OR4N5: variants seen among roughly 807,000 people sequenced by gnomAD.
OR4N5 encodes the protein olfactory receptor 4N5.
For synonymous variants in OR4N5, 155 were observed against 140.6 expected, an observed-to-expected ratio of 1.10 and a Z score of -0.72; for missense variants, 428 against 370.0, an observed-to-expected ratio of 1.16 and a Z score of -1.29.
intron 2 of OR4N5, 118 bp from the exon 3 acceptor site, chr14:20,143,607 T>C (rs1878660011): frequency 2.9e-6 from 2 of 685,646 alleles, no homozygotes; most frequent in African/African-American, 1.8e-5. Flanking sequence ...AAGACATAAG[T>C]TGTCTTCAGC....
At position 20,144,445 on chromosome 14, in the gene OR4N5, T is replaced by C; in HGVS notation, c.710T>C (p.Ile237Thr). The change falls in exon 3 of 3, where the codon ATT becomes ACT. Residue 237 changes from isoleucine (I) to threonine (T), a missense_variant. Transcript: ENST00000641086. ...TCCTCTGAAGGAAAGAGCAAGGCTA[T>C]TTCCACATGCACCACCCATATTATC... is the stretch of plus-strand genomic sequence containing the variant. ...EHSSEGKSKA[I>T]STCTTHIIII... 1.2e-6 allele frequency: 2 copies of C among 1,614,042 alleles called. No individual in the cohort carries two copies. Among genetic ancestry groups the C allele is most frequent in the Non-Finnish European group, 8.5e-7 (1 of 1,179,934 alleles).
In OR4N5 at chr14:20,144,604, G is replaced by A. The variant is rs10141025; in HGVS notation, c.869G>A (p.Arg290His). Reference sequence around the variant, plus strand: ...ATGAACCCTGTTATTTATACGCTTCGCAACCAGGAGGTGAAAGCTTCCATG... The same window carrying A: ...ATGAACCCTGTTATTTATACGCTTCACAACCAGGAGGTGAAAGCTTCCATG... ...PLMNPVIYTL[R>H]NQEVKASMRK... The change falls in exon 3 of 3, where the codon CGC (arginine) becomes CAC (histidine). Residue 290 changes from arginine (R) to histidine (H), a missense_variant. Coordinates refer to ENST00000641086, the MANE Select transcript of OR4N5 (RefSeq NM_001004724.2). The A allele has an allele frequency of 5.2e-3, 8,439 of 1,613,430 alleles. 178 individuals are homozygous for A. Among genetic ancestry groups the A allele is most frequent in the African/African-American group, 0.05 (3,720 of 74,914 alleles).
rs1265321824 is a variant in OR4N5, at chr14:20,144,399, C to T, written c.664C>T (p.Leu222Phe). Reference sequence around the variant, plus strand: ...CCTTCTGGCCTCCTATGCAGTCATCCTCTGTCGTATAAGGGAGCACTCCTC... The same window carrying T: ...CCTTCTGGCCTCCTATGCAGTCATCTTCTGTCGTATAAGGGAGCACTCCTC... ...LGLLASYAVI[L>F]CRIREHSSEG... The change falls in exon 3 of 3, where the codon CTC becomes TTC. Residue 222 changes from leucine to phenylalanine, a missense_variant. Physicochemically the swap from Leu to Phe is conservative, Grantham distance 22. Transcript: ENST00000641086. The T allele has an allele frequency of 6.8e-6, 11 of 1,614,016 alleles. No homozygotes were observed. Among genetic ancestry groups the T allele is most frequent in the Non-Finnish European group, 8.5e-6 (10 of 1,179,976 alleles).
chr14:20,143,568 T>C (rs1224885679), intron 2 of OR4N5, among the ~76,000 whole-genome samples, 157 bp from the exon 3 acceptor site: 1 of 152,180 alleles, frequency 6.6e-6, no homozygotes, highest in Middle Eastern at 3.2e-3. Flanking sequence ...ATAAAGAGGA[T>C]GAAGAATAGA....
intron 1 of OR4N5, among the ~76,000 whole-genome samples, chr14:20,139,478 AC>A (rs1878573815): frequency 6.6e-6 from 1 of 151,986 alleles, no homozygotes; most frequent in African/African-American, 2.4e-5. Flanking sequence ...AGATAAGAAA[AC>A]CTTTACTGAG....
intron 1 of OR4N5, 133 bp downstream of exon 1, chr14:20,139,023 T>G (rs1211187654): frequency 1.3e-5 from 2 of 151,912 alleles, no homozygotes; most frequent in African/African-American, 4.8e-5. Context: ...AGAAACAGAG[T>G]AAGGGTGAGT....
intron 2 of OR4N5, among the ~76,000 whole-genome samples, chr14:20,142,974 TGAA>T (rs752103452): frequency 1.3e-4 from 20 of 152,198 alleles, no homozygotes; most frequent in Non-Finnish European, 2.1e-4. Flanking sequence ...CTCTGAGATC[TGAA>T]GAAGAAGTAG....
rs1231880442 is a variant in OR4N5 at position 20,143,807 on chromosome 14, A to G, written c.72A>G (p.Gln24=). The G allele has an allele frequency of 1.2e-6, 2 of 1,613,886 alleles. No individual in the cohort carries two copies. The highest frequency in any genetic ancestry group is 1.3e-5 in the African/African-American group (1 of 74,928). ...LLGLTQSQDA[Q]LLVFVLVLIF... ...GTCTGACCCAGTCTCAAGATGCTCA[A>G]CTTCTGGTCTTTGTGCTAGTCTTAA... Residue 24 remains glutamine, a synonymous_variant, in exon 3 of 3, where the codon CAA becomes CAG. Coordinates refer to ENST00000641086, the MANE Select transcript of OR4N5 (RefSeq NM_001004724.2).
At chr14:20,142,970 G>A (rs1468459684) in intron 2 of OR4N5, among the ~76,000 whole-genome samples, 1 of 152,166 alleles carries the variant, frequency 6.6e-6, no homozygotes, top group Non-Finnish European at 1.5e-5. Flanking sequence ...CTCACTCTGA[G>A]ATCTGAAGAA....
At position 20,143,126 on chromosome 14, in the gene OR4N5, T is replaced by C. The variant is rs140642790; in HGVS notation, c.-11-599T>C. 1.6e-4 allele frequency among the ~76,000 whole-genome samples: 25 copies of C among 152,274 alleles called. 1 individual carries two copies. In the East Asian group the frequency reaches 4.6e-3, roughly 28 times the overall value. On this transcript the variant is annotated intron_variant, in intron 2 of 2. Coordinates refer to ENST00000641086, the MANE Select transcript of OR4N5 (RefSeq NM_001004724.2). ...CTCTAAGTTAAGAGAAATATACAGA[T>C]CTTGCTTGCTATCTTGGTGATCAGT...
At chr14:20,142,211 C>T (rs533752177) in intron 2 of OR4N5, among the ~76,000 whole-genome samples, 39 of 151,996 alleles carry the variant, frequency 2.6e-4, no homozygotes, top group Middle Eastern at 6.8e-3. Flanking sequence ...CTGCAAGCTC[C>T]GCCTCCTGGG....
rs750816365 is a variant in OR4N5 at position 20,143,918 on chromosome 14, C to A, written c.183C>A (p.Phe61Leu). The A allele has an allele frequency of 6.8e-6, 11 of 1,613,946 alleles. No individual in the cohort carries two copies. The highest frequency in any genetic ancestry group is 9.3e-6 in the Non-Finnish European group (11 of 1,179,974). The part of the protein sequence containing the change: ...SDPGLTAPLY[F>L]FLGNLALLDA... Reference sequence around the variant, plus strand: ...CTGGGCTCACAGCCCCCCTCTATTTCTTTCTGGGCAACTTGGCCTTACTGG... The same window carrying A: ...CTGGGCTCACAGCCCCCCTCTATTTATTTCTGGGCAACTTGGCCTTACTGG... Residue 61 changes from phenylalanine to leucine, a missense_variant, in exon 3 of 3, where the codon TTC (phenylalanine) becomes TTA (leucine). By Grantham distance (22) the Phe-to-Leu change is conservative. Coordinates refer to ENST00000641086, the MANE Select transcript of OR4N5 (RefSeq NM_001004724.2).
chr14:20,140,716 A>C (rs193095617), intron 1 of OR4N5, 127 bp from the exon 2 acceptor site: 2 of 152,108 alleles, frequency 1.3e-5, no homozygotes, highest in East Asian at 3.9e-4. Context: ...TTCTATCTAT[A>C]TCTATCTATC....
chr14:20,140,180 T>C (rs1383495813), intron 1 of OR4N5, among the ~76,000 whole-genome samples: 4 of 152,126 alleles, frequency 2.6e-5, no homozygotes, highest in Admixed American at 2.6e-4. Flanking sequence ...GCATTGAATA[T>C]ATTTAAGGAG....
At position 20,144,240 on chromosome 14, in the gene OR4N5, T is replaced by C; in HGVS notation, c.505T>C (p.Cys169Arg). 1.2e-6 allele frequency: 2 copies of C among 1,614,126 alleles called. No individual in the cohort carries two copies. The highest frequency in any genetic ancestry group is 4.5e-5 in the East Asian group (2 of 44,872). Residue 169 changes from cysteine to arginine, a missense_variant, in exon 3 of 3, where the codon TGT (cysteine) becomes CGT (arginine). Coordinates refer to ENST00000641086, the MANE Select transcript of OR4N5 (RefSeq NM_001004724.2). ...AGCCCTTATCCTGCACTTGCCTTTC[T>C]GTGGCCCAAACCAGCTCGATAACTT... is the stretch of plus-strand genomic sequence containing the variant. ...QVALILHLPFCGPNQLDNFFC... is the reference protein window; with the variant it reads ...QVALILHLPFRGPNQLDNFFC...
Position 20,144,313 on chromosome 14 carries a change from T to A in OR4N5, c.578T>A (p.Phe193Tyr). ...ATCAAGCTGGCCTGCACCAATACCT[T>A]TGTGGTGGAGCTTCTGATGGTCTCC... Reference protein sequence around the residue: ...QVIKLACTNTFVVELLMVSNS... With the variant: ...QVIKLACTNTYVVELLMVSNS... The change falls in exon 3 of 3, where the codon TTT (phenylalanine) becomes TAT (tyrosine). Residue 193 changes from phenylalanine to tyrosine, a missense_variant. Physicochemically the swap from Phe to Tyr is conservative, Grantham distance 22. Coordinates refer to ENST00000641086, the MANE Select transcript of OR4N5 (RefSeq NM_001004724.2). 1 of 1,613,974 alleles carries A rather than the reference T, an allele frequency of 6.2e-7. No individual in the cohort carries two copies.
At chr14:20,143,522 G>A (rs926639552) in intron 2 of OR4N5, among the ~76,000 whole-genome samples, 14 of 152,152 alleles carry the variant, frequency 9.2e-5, no homozygotes, top group African/African-American at 3.4e-4. Context: ...GCATGGAAAT[G>A]TGGCTACCTA....
rs1301083468 is a variant in OR4N5 at position 20,144,126 on chromosome 14, C to T, written c.391C>T (p.His131Tyr). The T allele has an allele frequency of 3.1e-6, 5 of 1,614,020 alleles. No homozygotes were observed. Among genetic ancestry groups the T allele is most frequent in the Non-Finnish European group, 4.2e-6 (5 of 1,180,012 alleles). Residue 131 changes from histidine (H) to tyrosine (Y), a missense_variant, in exon 3 of 3, where the codon CAC becomes TAC. By Grantham distance (83) the His-to-Tyr change is moderately conservative. Coordinates refer to ENST00000641086, the MANE Select transcript of OR4N5 (RefSeq NM_001004724.2). ...CTACATCGCCATCTGCCGGCCTTTA[C>T]ACTATTCAACCATCATGAACCCTAG... ...DRYIAICRPL[H>Y]YSTIMNPRAC... is the part of the protein sequence containing the mutation.
intron 2 of OR4N5, among the ~76,000 whole-genome samples, chr14:20,142,580 A>C (rs1441849006): frequency 6.6e-6 from 1 of 152,182 alleles, no homozygotes; most frequent in Admixed American, 6.6e-5. Flanking sequence ...CATGAATAGA[A>C]TACTTATTTA....
Sources: allele counts gnomAD v4.1 joint callset (sites outside exome capture counted in the v4.1 genomes callset), GRCh38; gene constraint gnomAD v4.1.1; transcripts MANE v1.5; gene names NCBI Gene and HGNC (gene_info 2026-07-23, HGNC 2026-07-21).